Variants in TENM3 observed in about 807,000 individuals in gnomAD.
TENM3 encodes teneurin transmembrane protein 3, also known as teneurin-3.
Under a neutral mutation model 255.1 loss-of-function variants are expected in TENM3, and 63 were observed. The ratio of observed to expected loss-of-function variants is 0.25; its 90% CI spans 0.20 to 0.30. TENM3 has a LOEUF of 0.30. Ranked by LOEUF, TENM3 falls within the 10% of genes least tolerant of loss-of-function variation. TENM3 has a pLI of 1.00. For missense variants in TENM3, 2,929 were observed against 3,461.1 expected (o/e 0.85, Z 3.86); for synonymous variants, 1,306 against 1,322.3 (o/e 0.99, Z 0.27).
At chr4:181,518,514 G>T in the TENM3 span, among the ~76,000 whole-genome samples, 1 of 152,006 alleles carries the variant, frequency 6.6e-6, no homozygotes, top group East Asian at 1.9e-4. Flanking sequence ...TGCAACCTCC[G>T]CCTCCTGGGT....
At chr4:182,621,162 C>G (rs943255318) in intron 4 of TENM3, among the ~76,000 whole-genome samples, 4 of 147,946 alleles carry the variant, frequency 2.7e-5, no homozygotes, top group Non-Finnish European at 4.5e-5. Flanking sequence ...GCCTGGACAA[C>G]AGAGCGAGAC....
the TENM3 span, among the ~76,000 whole-genome samples, chr4:181,765,394 T>C: frequency 6.6e-6 from 1 of 152,200 alleles, no homozygotes; most frequent in African/African-American, 2.4e-5. Flanking sequence ...TTCTTGCTCA[T>C]TTGAAAAGAA....
At chr4:181,554,595 C>A in the TENM3 span, among the ~76,000 whole-genome samples, 1 of 152,156 alleles carries the variant, frequency 6.6e-6, no homozygotes, top group Non-Finnish European at 1.5e-5. Flanking sequence ...ACCAGACATT[C>A]TGTCCATTTC....
the TENM3 span, among the ~76,000 whole-genome samples, chr4:181,936,230 A>G: frequency 6.6e-6 from 1 of 152,040 alleles, no homozygotes; most frequent in South Asian, 2.1e-4. Flanking sequence ...CGTCTCTACT[A>G]AAAATACAAA....
intron 4 of TENM3, among the ~76,000 whole-genome samples, chr4:182,613,719 C>T (rs1274194221): frequency 6.6e-6 from 1 of 152,218 alleles, no homozygotes; most frequent in East Asian, 1.9e-4. Flanking sequence ...AACATGTTAT[C>T]ATATTCATTG....
intron 3 of TENM3, 59 bp downstream of exon 3, chr4:182,346,988 G>T: frequency 4.2e-6 from 4 of 953,412 alleles, no homozygotes; most frequent in Non-Finnish European, 2.7e-6. Context: ...TGTTTTGGTT[G>T]ACTCCGCGGG....
intron 22 of TENM3, among the ~76,000 whole-genome samples, chr4:182,770,604 A>G (rs544853347): frequency 6.6e-6 from 1 of 152,228 alleles, no homozygotes; most frequent in East Asian, 1.9e-4. Context: ...CTATTCCGGG[A>G]CCTGGCCAGG....
At chr4:182,243,650 T>TGG (rs113988632) in intron 1 of TENM3, among the ~76,000 whole-genome samples, 174 bp downstream of exon 1, 4,153 of 152,212 alleles carry the variant, frequency 0.027, 175 homozygotes, top group African/African-American at 0.091. Flanking sequence ...AGGGCAAATC[T>TGG]GGGCAGTGTT....
the TENM3 span, among the ~76,000 whole-genome samples, chr4:181,508,379 A>G: frequency 6.6e-6 from 1 of 152,224 alleles, no homozygotes; most frequent in Admixed American, 6.5e-5. Context: ...CTGGAACTCC[A>G]AAGAGGATGG....
chr4:181,755,998 T>C, the TENM3 span, among the ~76,000 whole-genome samples: 1 of 152,140 alleles, frequency 6.6e-6, no homozygotes, highest in African/African-American at 2.4e-5. Context: ...TCTTGGGAAA[T>C]ATGTGACGAT....
the TENM3 span, among the ~76,000 whole-genome samples, chr4:181,773,293 C>T: frequency 1.3e-5 from 2 of 152,258 alleles, no homozygotes; most frequent in South Asian, 4.1e-4. Flanking sequence ...AGTCATGGAA[C>T]TCTTGAGATA....
chr4:182,181,644 A>AT (rs1355569122), intron 1 of TENM3, among the ~76,000 whole-genome samples: 2 of 152,170 alleles, frequency 1.3e-5, no homozygotes, highest in East Asian at 3.8e-4. Context: ...TAGTTAACTG[A>AT]TTTTCAGCAG....
chr4:181,492,288 C>A, the TENM3 span, among the ~76,000 whole-genome samples: 1 of 152,180 alleles, frequency 6.6e-6, no homozygotes, highest in Non-Finnish European at 1.5e-5. Context: ...TACTGCTTCT[C>A]TTTTTCACAA....
the TENM3 span, among the ~76,000 whole-genome samples, chr4:181,467,909 A>G: frequency 2.6e-3 from 395 of 152,246 alleles, 2 homozygotes; most frequent in African/African-American, 9.3e-3. Flanking sequence ...TATGTTAAAG[A>G]TTTTCCAGAA....
chr4:182,188,927 T>C (rs1753335704), intron 1 of TENM3, among the ~76,000 whole-genome samples: 1 of 152,150 alleles, frequency 6.6e-6, no homozygotes. Flanking sequence ...AATTCAGTAA[T>C]ATTTTAAAAG....
At chr4:181,901,604 T>C in the TENM3 span, among the ~76,000 whole-genome samples, 1 of 152,216 alleles carries the variant, frequency 6.6e-6, no homozygotes, top group Non-Finnish European at 1.5e-5. Flanking sequence ...TGCTCTATAA[T>C]ATTTGCAGAT....
chr4:182,618,946 T>G (rs1332236749), intron 4 of TENM3, among the ~76,000 whole-genome samples: 3 of 150,704 alleles, frequency 2.0e-5, no homozygotes, highest in South Asian at 2.1e-4. Context: ...TACTCGGGGG[T>G]GGGGGTTGGG....
At chr4:181,581,300 G>C in the TENM3 span, among the ~76,000 whole-genome samples, 1 of 152,120 alleles carries the variant, frequency 6.6e-6, no homozygotes, top group African/African-American at 2.4e-5. Flanking sequence ...AATTACTCTG[G>C]TGTGGTGGTG....
At chr4:182,101,192 G>A in the TENM3 span, among the ~76,000 whole-genome samples, 172 of 8,240 alleles carry the variant, frequency 0.021, 59 homozygotes, top group East Asian at 0.077. Context: ...AGAAGGGAGG[G>A]AGGAAGGAAA....
Sources: gnomAD v4.1 joint callset for allele counts (sites outside exome capture counted in the v4.1 genomes callset) on GRCh38, gnomAD v4.1.1 for gene constraint, MANE v1.5 for transcripts, NCBI Gene and HGNC (gene_info 2026-07-23, HGNC 2026-07-21) for gene names.